Variants in TENM3 observed in about 807,000 individuals in gnomAD.
The protein encoded by TENM3 is teneurin-3.
In TENM3, 63 loss-of-function variants were observed where a neutral mutation model predicts 255.1. The observed-to-expected ratio is 0.25, with a 90% CI of 0.20 to 0.30. The LOEUF is 0.30. Among genes scored for constraint, TENM3 ranks in the 10% least tolerant of loss-of-function variants. TENM3 has a pLI of 1.00. For synonymous variants in TENM3, 1,306 were observed against 1,322.3 expected, an observed-to-expected ratio of 0.99 and a Z score of 0.27; for missense variants, 2,929 against 3,461.1, an observed-to-expected ratio of 0.85 and a Z score of 3.86.
Position 182,376,727 on chromosome 4 carries a change from A to AT in TENM3, c.511+29810dup, listed in dbSNP as rs879509273. Among the ~76,000 whole-genome samples, 589 of 140,544 alleles carry AT rather than the reference A, an allele frequency of 4.2e-3. 2 individuals are homozygous for AT. The highest frequency in any genetic ancestry group is 0.01 in the African/African-American group (386 of 38,344). 92.2% of individuals were successfully genotyped at this position (140,544 alleles called of 152,430 possible). On this transcript the variant is annotated intron_variant, in intron 3 of 27. Transcript: ENST00000511685. ...AACCAGAGCGATGGCCATTGGACCCATTTTTTTTTTTTCCCTGAATTGGGG... is the reference window on the plus strand; with the variant it reads ...AACCAGAGCGATGGCCATTGGACCCATTTTTTTTTTTTTCCCTGAATTGGGG...
chr4:181,768,436 C>T, the TENM3 span, among the ~76,000 whole-genome samples: 2,884 of 152,234 alleles, frequency 0.019, 95 homozygotes, highest in African/African-American at 0.066. Flanking sequence ...TAAGCAATTC[C>T]GTCTAAAACA....
At chr4:181,562,678 AT>A in the TENM3 span, among the ~76,000 whole-genome samples, 340 of 143,002 alleles carry the variant, frequency 2.4e-3, no homozygotes, top group South Asian at 4.7e-3. Context: ...ATTCTTCTTA[AT>A]TTTTTTTTTT....
the TENM3 span, among the ~76,000 whole-genome samples, chr4:181,903,293 G>GA: frequency 1.3e-5 from 2 of 151,988 alleles, no homozygotes; most frequent in South Asian, 2.1e-4. Context: ...CCAATTTGGA[G>GA]AAAAAAACAA....
intron 20 of TENM3, among the ~76,000 whole-genome samples, chr4:182,753,199 C>T (rs948942446): frequency 7.9e-5 from 12 of 152,124 alleles, no homozygotes; most frequent in Admixed American, 2.0e-4. Flanking sequence ...CCGCCTGCCT[C>T]GGCCTCGCAA....
At chr4:181,816,692 C>G in the TENM3 span, among the ~76,000 whole-genome samples, 39 of 152,192 alleles carry the variant, frequency 2.6e-4, no homozygotes, top group Non-Finnish European at 3.5e-4. Flanking sequence ...CACCCATCTA[C>G]TCTATTCATC....
chr4:182,712,387 C>T (rs1484453863), intron 12 of TENM3, among the ~76,000 whole-genome samples: 2 of 151,550 alleles, frequency 1.3e-5, no homozygotes, highest in African/African-American at 4.9e-5. Context: ...AGTCAGCTGC[C>T]GCACCTCCTT....
At chr4:181,524,383 G>C in the TENM3 span, among the ~76,000 whole-genome samples, 255 of 152,280 alleles carry the variant, frequency 1.7e-3, no homozygotes, top group African/African-American at 5.7e-3. Context: ...GAATTGACAC[G>C]AAAGGCTTAA....
At chr4:182,647,418 T>G (rs1323577464) in intron 5 of TENM3, among the ~76,000 whole-genome samples, 1 of 152,248 alleles carries the variant, frequency 6.6e-6, no homozygotes, top group African/African-American at 2.4e-5. Context: ...CATTCTACTT[T>G]AAGATTCTAT....
At chr4:182,729,774 G>T (rs763408143) in intron 14 of TENM3, among the ~76,000 whole-genome samples, 1 of 152,184 alleles carries the variant, frequency 6.6e-6, no homozygotes, top group African/African-American at 2.4e-5. Flanking sequence ...CAAAGTTGCT[G>T]TACAAATGTT....
At chr4:182,323,018 A>G (rs1580155243) in intron 1 of TENM3, among the ~76,000 whole-genome samples, 1 of 152,088 alleles carries the variant, frequency 6.6e-6, no homozygotes, top group South Asian at 2.1e-4. Flanking sequence ...AGGAGAGACA[A>G]CATGAGAAGG....
At chr4:181,741,747 G>A in the TENM3 span, among the ~76,000 whole-genome samples, 1 of 152,134 alleles carries the variant, frequency 6.6e-6, no homozygotes, top group Non-Finnish European at 1.5e-5. Flanking sequence ...TGTCACGGGT[G>A]GAACCATTAA....
chr4:182,664,142 TG>T, intron 6 of TENM3, among the ~76,000 whole-genome samples: 1 of 152,348 alleles, frequency 6.6e-6, no homozygotes, highest in South Asian at 2.1e-4. Flanking sequence ...TTTTACAAAC[TG>T]AATGTTTGTG....
At chr4:182,668,101 A>C (rs984723113) in intron 6 of TENM3, among the ~76,000 whole-genome samples, 1 of 152,104 alleles carries the variant, frequency 6.6e-6, no homozygotes, top group Non-Finnish European at 1.5e-5. Context: ...TAAATACCCC[A>C]TTGTTAACCC....
chr4:182,602,257 G>A (rs956515907), intron 4 of TENM3, among the ~76,000 whole-genome samples: 1 of 152,180 alleles, frequency 6.6e-6, no homozygotes, highest in Non-Finnish European at 1.5e-5. Context: ...GTTTCCGTTA[G>A]GCTTGGAGAA....
At chr4:182,576,745 C>T (rs937412212) in intron 3 of TENM3, among the ~76,000 whole-genome samples, 12 of 152,152 alleles carry the variant, frequency 7.9e-5, no homozygotes, top group African/African-American at 2.9e-4. Context: ...TACTAACTCT[C>T]ATCACCCAGC....
chr4:181,536,486 A>C, the TENM3 span, among the ~76,000 whole-genome samples: 1 of 152,346 alleles, frequency 6.6e-6, no homozygotes, highest in Admixed American at 6.5e-5. Flanking sequence ...CATATATGTT[A>C]GAGTTGGAGA....
chr4:181,656,924 C>T, the TENM3 span, among the ~76,000 whole-genome samples: 2 of 152,210 alleles, frequency 1.3e-5, no homozygotes, highest in Non-Finnish European at 2.9e-5. Context: ...CTTGTAGCAA[C>T]ACAATGACGT....
the TENM3 span, among the ~76,000 whole-genome samples, chr4:181,801,835 G>T: frequency 6.6e-6 from 1 of 151,718 alleles, no homozygotes; most frequent in African/African-American, 2.4e-5. Context: ...AGGAGCATTG[G>T]TTTTCCCTTA....
chr4:182,202,807 G>T (rs1228342590), intron 1 of TENM3, among the ~76,000 whole-genome samples: 1 of 152,200 alleles, frequency 6.6e-6, no homozygotes, highest in African/African-American at 2.4e-5. Flanking sequence ...CTCATCCAGA[G>T]AACCTGTGCC....
Sources: gnomAD v4.1 joint callset for allele counts (sites outside exome capture counted in the v4.1 genomes callset) on GRCh38, gnomAD v4.1.1 for gene constraint, MANE v1.5 for transcripts, NCBI Gene and HGNC (gene_info 2026-07-23, HGNC 2026-07-21) for gene names.